The following C1GALT1 variants were observed in gnomAD, a reference collection of about 807,000 sequenced individuals.
The protein encoded by C1GALT1 is glycoprotein-N-acetylgalactosamine 3-beta-galactosyltransferase 1.
In C1GALT1, 11 loss-of-function variants were observed where a neutral mutation model predicts 31.0. That is an observed-to-expected ratio of 0.36 (90% confidence interval 0.22 to 0.59). The LOEUF is 0.59. Ranked by LOEUF, C1GALT1 falls within the 20% of genes least tolerant of loss-of-function variation. C1GALT1 has a pLI of 0.79. For synonymous variants in C1GALT1, 175 were observed against 143.6 expected (o/e 1.22, Z -1.56); for missense variants, 424 against 425.2 (o/e 1.00, Z 0.03).
chr7:7,165,137 C>G (rs551488957), intron 2 of C1GALT1, among the ~76,000 whole-genome samples: 1 of 152,224 alleles, frequency 6.6e-6, no homozygotes, highest in South Asian at 2.1e-4. Context: ...GAACTAGAAA[C>G]CACAGTAGCC....
At chr7:7,207,398 A>G (rs1214441638) in intron 1 of C1GALT1, among the ~76,000 whole-genome samples, 1 of 121,404 alleles carries the variant, frequency 8.2e-6, no homozygotes. Flanking sequence ...GCTGGACTCA[A>G]ACTCCTGGGC....
chr7:7,223,203 G>C (rs10226438), intron 1 of C1GALT1, among the ~76,000 whole-genome samples: 2,844 of 152,260 alleles, frequency 0.019, 88 homozygotes, highest in African/African-American at 0.065. Flanking sequence ...CTGTCACCCA[G>C]GCTGGAGTAC....
chr7:7,176,672 C>CT (rs144213558), intron 2 of C1GALT1, among the ~76,000 whole-genome samples: 2 of 152,138 alleles, frequency 1.3e-5, no homozygotes, highest in East Asian at 1.9e-4. Context: ...ATTTCCTAGA[C>CT]TTTTTTTCTT....
intron 1 of C1GALT1, among the ~76,000 whole-genome samples, chr7:7,226,163 G>A (rs1347726138): frequency 6.6e-6 from 1 of 152,074 alleles, no homozygotes; most frequent in Non-Finnish European, 1.5e-5. Flanking sequence ...TAAATGTAAG[G>A]TGTGTGACTG....
At chr7:7,196,633 T>C (rs886256751) in intron 1 of C1GALT1, among the ~76,000 whole-genome samples, 4 of 152,146 alleles carry the variant, frequency 2.6e-5, no homozygotes, top group African/African-American at 9.7e-5. Flanking sequence ...CTTGAGGAAT[T>C]GCCACACTGT....
chr7:7,167,223 T>G (rs925147760), intron 2 of C1GALT1, among the ~76,000 whole-genome samples: 1 of 152,222 alleles, frequency 6.6e-6, no homozygotes, highest in African/African-American at 2.4e-5. Flanking sequence ...AAATTGCTTA[T>G]GCAGTGTACA....
intron 1 of C1GALT1, among the ~76,000 whole-genome samples, chr7:7,205,023 A>G (rs893803430): frequency 6.6e-6 from 1 of 152,198 alleles, no homozygotes; most frequent in South Asian, 2.1e-4. Context: ...CAGAATGTTC[A>G]GTCTATGTCT....
intron 2 of C1GALT1, among the ~76,000 whole-genome samples, chr7:7,165,330 C>G (rs1214330074): frequency 1.3e-5 from 2 of 152,138 alleles, no homozygotes; most frequent in African/African-American, 2.4e-5. Context: ...CATCTAGGAG[C>G]CTTGACTATT....
intron 2 of C1GALT1, among the ~76,000 whole-genome samples, chr7:7,166,683 T>G (rs886500715): frequency 6.6e-6 from 1 of 152,212 alleles, no homozygotes; most frequent in Non-Finnish European, 1.5e-5. Flanking sequence ...TTGAAATCCG[T>G]GTTATACTAT....
chr7:7,215,423 G>T (rs1412010703), intron 1 of C1GALT1, among the ~76,000 whole-genome samples: 7 of 152,130 alleles, frequency 4.6e-5, no homozygotes, highest in Non-Finnish European at 1.0e-4. Flanking sequence ...AGCCCGACTG[G>T]TAAGAAATTT....
Position 7,244,620 on chromosome 7 carries a change from C to T in C1GALT1, c.*893C>T, listed in dbSNP as rs1783771449. 6.6e-6 allele frequency: 1 copy of T among 152,120 alleles called. No individual in the cohort carries two copies. Among genetic ancestry groups the T allele is most frequent in the Non-Finnish European group, 1.5e-5 (1 of 67,996 alleles). The allele number at this position is 152,120 out of a possible 1,614,324, so 9.4% of individuals were successfully genotyped here. On this transcript the variant is annotated 3_prime_UTR_variant, in exon 4 of 4. Transcript: ENST00000436587. ...ATAACAGTGCCACTCTCAGGAATTA[C>T]TAAGTGACATTTTAAATTGATATTT...
rs1783770032 is a variant in C1GALT1, at chr7:7,244,576, G to C, written c.*849G>C. The C allele has an allele frequency of 6.6e-6, 1 of 152,088 alleles. No individual in the cohort carries two copies. Among genetic ancestry groups the C allele is most frequent in the South Asian group, 2.1e-4 (1 of 4,830 alleles). The allele number at this position is 152,088 out of a possible 1,614,324, so 9.4% of individuals were successfully genotyped here. ...GGTAACTAATAATAAATTTAATGCTGTTTCAGGATGCTTTTCTTATAACAG... is the reference window on the plus strand; with the variant it reads ...GGTAACTAATAATAAATTTAATGCTCTTTCAGGATGCTTTTCTTATAACAG... On this transcript the variant is annotated 3_prime_UTR_variant, in exon 4 of 4. Transcript: ENST00000436587.
chr7:7,224,954 C>T (rs1274303766), intron 1 of C1GALT1, among the ~76,000 whole-genome samples: 2 of 152,214 alleles, frequency 1.3e-5, no homozygotes, highest in East Asian at 1.9e-4. Context: ...TTTCAGTCCT[C>T]ACCCTCTTCC....
intron 2 of C1GALT1, among the ~76,000 whole-genome samples, chr7:7,168,674 T>C (rs1780422793): frequency 6.6e-6 from 1 of 152,204 alleles, no homozygotes; most frequent in African/African-American, 2.4e-5. Context: ...TCAAATGAAC[T>C]AAAATGTGGT....
intron 1 of C1GALT1, among the ~76,000 whole-genome samples, chr7:7,218,180 G>A (rs959210820): frequency 2.6e-5 from 4 of 152,132 alleles, no homozygotes; most frequent in Admixed American, 2.6e-4. Context: ...GACAAAATCA[G>A]GCCAGGCACT....
At chr7:7,229,658 T>C (rs937442411) in intron 1 of C1GALT1, among the ~76,000 whole-genome samples, 4 of 152,158 alleles carry the variant, frequency 2.6e-5, no homozygotes, top group African/African-American at 9.7e-5. Context: ...AATCGAGATA[T>C]TTAGAATTTC....
At chr7:7,202,693 T>A (rs1245451916) in intron 1 of C1GALT1, among the ~76,000 whole-genome samples, 3 of 152,212 alleles carry the variant, frequency 2.0e-5, no homozygotes, top group Admixed American at 6.5e-5. Flanking sequence ...TCAAAACTGT[T>A]TTGGCTATTC....
intron 1 of C1GALT1, among the ~76,000 whole-genome samples, chr7:7,225,445 G>A (rs1782716553): frequency 6.6e-6 from 1 of 152,184 alleles, no homozygotes; most frequent in African/African-American, 2.4e-5. Context: ...TCTCAGCTTG[G>A]CAGCTTACAT....
intron 1 of C1GALT1, among the ~76,000 whole-genome samples, chr7:7,208,099 G>T (rs936120619): frequency 6.6e-6 from 1 of 152,112 alleles, no homozygotes; most frequent in Non-Finnish European, 1.5e-5. Flanking sequence ...TCATATGCAC[G>T]TTGTATATGT....
Sources: gnomAD v4.1 joint callset for allele counts (sites outside exome capture counted in the v4.1 genomes callset) on GRCh38, gnomAD v4.1.1 for gene constraint, MANE v1.5 for transcripts, NCBI Gene and HGNC (gene_info 2026-07-23, HGNC 2026-07-21) for gene names.